Variants in TRIM25 observed in about 807,000 individuals in gnomAD.
The protein encoded by TRIM25 is tripartite motif containing 25.
A neutral mutation model predicts 65.2 loss-of-function variants in TRIM25; 45 were observed. The ratio of observed to expected loss-of-function variants is 0.69; its 90% CI spans 0.54 to 0.89. TRIM25 has a LOEUF of 0.89. TRIM25 is among the 40% of genes least tolerant of loss of function. TRIM25 has a pLI of 0.00. For missense variants in TRIM25, 714 were observed against 803.7 expected, an observed-to-expected ratio of 0.89 and a Z score of 1.35; for synonymous variants, 321 against 340.4, an observed-to-expected ratio of 0.94 and a Z score of 0.63.
At chr17:56,901,361 G>T in intron 4 of TRIM25, 58 bp downstream of exon 4, 1 of 1,562,144 alleles carries the variant, frequency 6.4e-7, no homozygotes, top group East Asian at 2.3e-5. Flanking sequence ...AAACATTTAG[G>T]GGACCCATCG....
intron 5 of TRIM25, among the ~76,000 whole-genome samples, chr17:56,896,365 C>T (rs189589288): frequency 6.6e-5 from 10 of 151,030 alleles, no homozygotes; most frequent in African/African-American, 2.4e-4. Flanking sequence ...AAAATGCTTG[C>T]CAAGGGCTGG....
intron 3 of TRIM25, among the ~76,000 whole-genome samples, chr17:56,903,381 A>C (rs111510935): frequency 6.6e-5 from 10 of 152,330 alleles, no homozygotes; most frequent in African/African-American, 2.4e-4. Context: ...CTGAGCAACA[A>C]GAGTGAAACT....
intron 1 of TRIM25, chr17:56,908,804 C>A: frequency 2.1e-6 from 1 of 479,820 alleles, no homozygotes; most frequent in Non-Finnish European, 3.8e-6. Flanking sequence ...TCCCAACTCC[C>A]AGCTGTGCAA....
chr17:56,913,298 G>C lies in TRIM25; in HGVS notation c.597+94C>G. On this transcript the variant is annotated intron_variant, in intron 1 of 8. Transcript: ENST00000316881. This position sits in a 1 kb window ranked among gnomAD's most constrained non-coding sequence, Gnocchi z 6.1. ...CCTCGAATTCAGGCCCATCTCCCCA[G>C]GGCGTCCAGAGTGTGGCAGAGAGGC... 1 of 1,220,256 alleles carries C rather than the reference G, an allele frequency of 8.2e-7. No individual in the cohort carries two copies. Among genetic ancestry groups the C allele is most frequent in the Non-Finnish European group, 1.1e-6 (1 of 889,940 alleles). The allele number at this position is 1,220,256 out of a possible 1,614,324, so 75.6% of individuals were successfully genotyped here. A position where few individuals can be genotyped will look rare whatever the true frequency, so the allele number is the denominator to read the frequency against.
At chr17:56,902,104 G>A (rs183642491) in intron 3 of TRIM25, among the ~76,000 whole-genome samples, 2 of 152,332 alleles carry the variant, frequency 1.3e-5, no homozygotes, top group East Asian at 3.9e-4. Context: ...AAGAAGCCTA[G>A]ATGTGCACTC....
chr17:56,888,012 C>A lies in TRIM25; in HGVS notation c.*3688G>T, dbSNP rs1158464101. 6.6e-6 allele frequency: 1 copy of A among 152,298 alleles called. No individual in the cohort carries two copies. Among genetic ancestry groups the A allele is most frequent in the Non-Finnish European group, 1.5e-5 (1 of 68,084 alleles). 9.4% of individuals were successfully genotyped at this position (152,298 alleles called of 1,614,324 possible). On this transcript the variant is annotated 3_prime_UTR_variant, in exon 9 of 9. Coordinates refer to ENST00000316881, the MANE Select transcript of TRIM25 (RefSeq NM_005082.5). ...GGGTCTTGAGCACAGTGCTCCCATG[C>A]CCCCTCTTCGTGGAATTAGGGCACA...
At chr17:56,896,466 C>G (rs1221445394) in intron 5 of TRIM25, among the ~76,000 whole-genome samples, 2 of 141,006 alleles carry the variant, frequency 1.4e-5, no homozygotes, top group African/African-American at 5.3e-5. Context: ...CTAGCATGGG[C>G]AACATGGGGA....
chr17:56,903,272 C>A (rs111315069), intron 3 of TRIM25, among the ~76,000 whole-genome samples: 1 of 152,018 alleles, frequency 6.6e-6, no homozygotes, highest in Admixed American at 6.5e-5. Flanking sequence ...TGGTGGCGTG[C>A]GCCTGTAATC....
At chr17:56,893,999 C>T (rs1343795089) in intron 8 of TRIM25, among the ~76,000 whole-genome samples, 4 of 152,144 alleles carry the variant, frequency 2.6e-5, no homozygotes, top group Non-Finnish European at 5.9e-5. Context: ...CAGCCAAACA[C>T]CAACATTCTG....
chr17:56,903,739 A>T (rs763177624), intron 3 of TRIM25, among the ~76,000 whole-genome samples: 4 of 152,174 alleles, frequency 2.6e-5, no homozygotes, highest in African/African-American at 9.7e-5. Flanking sequence ...TCAAAGGGCA[A>T]TTATCTGGGG....
At position 56,913,826 on chromosome 17, in the gene TRIM25, C is replaced by T; in HGVS notation, c.163G>A (p.Ala55Thr). ...GSPYLCPQCR[A>T]VYQARPQLHK... ...AGCTGCGGTCGCGCCTGGTAGACGG[C>T]GCGGCACTGCGGGCACAGGTATGGC... is the stretch of plus-strand genomic sequence containing the variant. The change falls in exon 1 of 9, where the codon GCC (alanine) becomes ACC (threonine). Residue 55 changes from alanine to threonine, a missense_variant. Ala to Thr is a moderately conservative substitution (Grantham distance 58). Around this residue, in one of 3 missense-constraint regions of TRIM25, gnomAD observed 291 missense variants for 281.8 expected, o/e 1.03. Coordinates refer to ENST00000316881, the MANE Select transcript of TRIM25 (RefSeq NM_005082.5). The surrounding 1 kb of genome is among the most constrained non-coding windows in gnomAD (Gnocchi z 6.1). 1.3e-6 allele frequency: 2 copies of T among 1,561,854 alleles called. No individual in the cohort carries two copies. The highest frequency in any genetic ancestry group is 8.7e-7 in the Non-Finnish European group (1 of 1,153,432).
At chr17:56,904,170 C>T (rs181979082) in intron 3 of TRIM25, 85 bp downstream of exon 3, 21 of 1,185,994 alleles carry the variant, frequency 1.8e-5, no homozygotes, top group Non-Finnish European at 2.3e-5. Context: ...TCCAGTCTCC[C>T]GCTCCTTGAG....
At chr17:56,894,543 C>A (rs1909247406) in intron 8 of TRIM25, among the ~76,000 whole-genome samples, 3 of 152,210 alleles carry the variant, frequency 2.0e-5, no homozygotes, top group South Asian at 4.1e-4. Flanking sequence ...AGCCACCGCA[C>A]CCAGCTAGTA....
intron 5 of TRIM25, among the ~76,000 whole-genome samples, chr17:56,898,324 T>C (rs998969277): frequency 3.3e-5 from 5 of 152,340 alleles, no homozygotes; most frequent in African/African-American, 1.2e-4. Context: ...CAGTGGTATA[T>C]GGACATCTCA....
chr17:56,894,237 T>G (rs1050386394), intron 8 of TRIM25, among the ~76,000 whole-genome samples: 3 of 152,128 alleles, frequency 2.0e-5, no homozygotes, highest in African/African-American at 7.2e-5. Flanking sequence ...ATTTGGTTTT[T>G]GGGGTTTTTT....
intron 1 of TRIM25, among the ~76,000 whole-genome samples, chr17:56,909,012 G>C (rs757514192): frequency 1.3e-5 from 2 of 152,052 alleles, no homozygotes; most frequent in African/African-American, 4.8e-5. Context: ...TGAAACTCAA[G>C]CAAGGAGGAC....
intron 3 of TRIM25, among the ~76,000 whole-genome samples, chr17:56,902,654 C>T (rs528329905): frequency 2.2e-4 from 34 of 152,272 alleles, no homozygotes; most frequent in African/African-American, 3.4e-4. Context: ...CTGGCACAGG[C>T]GGGGCCCAGT....
chr17:56,905,911 T>C (rs989535562), intron 2 of TRIM25, among the ~76,000 whole-genome samples: 22 of 152,182 alleles, frequency 1.4e-4, no homozygotes, highest in African/African-American at 5.3e-4. Flanking sequence ...TGCAGTGAGC[T>C]ATGATTGTTC....
intron 3 of TRIM25, among the ~76,000 whole-genome samples, chr17:56,902,917 G>A (rs923804694): frequency 1.3e-5 from 2 of 152,118 alleles, no homozygotes; most frequent in Admixed American, 6.5e-5. Context: ...GTTTAACGGA[G>A]GCTGGCACTT....
Sources: allele counts gnomAD v4.1 joint callset (sites outside exome capture counted in the v4.1 genomes callset), GRCh38; gene constraint gnomAD v4.1.1; regional missense constraint gnomAD v4.1.1; non-coding constraint Gnocchi (gnomAD v3.1); transcripts MANE v1.5; gene names NCBI Gene and HGNC (gene_info 2026-07-23, HGNC 2026-07-21).